HADHA: variants seen among roughly 807,000 people sequenced by gnomAD.
HADHA encodes hydroxyacyl-CoA dehydrogenase trifunctional multienzyme complex subunit alpha.
In HADHA, 59 loss-of-function variants were observed where a neutral mutation model predicts 91.3. The observed-to-expected ratio is 0.65, with a 90% confidence interval of 0.52 to 0.80. The LOEUF (loss-of-function observed/expected upper bound fraction) is 0.80. Among genes scored for constraint, HADHA ranks in the 30% least tolerant of loss-of-function variants. The pLI is 0.00. For synonymous variants in HADHA, 320 were observed against 338.9 expected, an observed-to-expected ratio of 0.94 and a Z score of 0.61; for missense variants, 800 against 927.6, an observed-to-expected ratio of 0.86 and a Z score of 1.79.
chr2:26,219,568 G>C (rs539603701), intron 7 of HADHA, among the ~76,000 whole-genome samples: 26 of 152,356 alleles, frequency 1.7e-4, no homozygotes, highest in Middle Eastern at 3.4e-3. Context: ...CAGCATCTTT[G>C]CTCTGTGGTT....
chr2:26,206,261 T>G (rs1304218310), intron 11 of HADHA, among the ~76,000 whole-genome samples: 1 of 149,876 alleles, frequency 6.7e-6, no homozygotes, highest in African/African-American at 2.5e-5. Context: ...GGAGTTTCAC[T>G]CTTGCCGCCC....
chr2:26,205,628 C>T (rs1669953155), intron 11 of HADHA, among the ~76,000 whole-genome samples: 3 of 152,136 alleles, frequency 2.0e-5, no homozygotes, highest in Admixed American at 6.5e-5. Flanking sequence ...TCAAGACCAA[C>T]CTCACCAAAA....
At chr2:26,212,787 CTG>C (rs1670134388) in intron 9 of HADHA, among the ~76,000 whole-genome samples, 161 bp from the exon 10 acceptor site, 1 of 152,220 alleles carries the variant, frequency 6.6e-6, no homozygotes, top group Admixed American at 6.5e-5. Context: ...CTGCTCTCGA[CTG>C]ACTTAATTCT....
intron 16 of HADHA, 28 bp downstream of exon 16, chr2:26,194,542 C>A (rs766223900): frequency 4.9e-6 from 7 of 1,442,228 alleles, no homozygotes; most frequent in Non-Finnish European, 6.8e-6. Context: ...TGGAAGATGC[C>A]GCAAACACTC....
intron 11 of HADHA, among the ~76,000 whole-genome samples, chr2:26,208,499 G>A (rs979585134): frequency 6.6e-6 from 1 of 152,182 alleles, no homozygotes; most frequent in African/African-American, 2.4e-5. Flanking sequence ...GCAAAGTGCA[G>A]TTTCTTTAAT....
At chr2:26,242,403 C>T (rs1670919307) in intron 1 of HADHA, among the ~76,000 whole-genome samples, 1 of 152,146 alleles carries the variant, frequency 6.6e-6, no homozygotes, top group African/African-American at 2.4e-5. Context: ...TACTTTCTTA[C>T]TGGTGAAAAC....
At chr2:26,239,274 T>C in intron 1 of HADHA, 131 bp from the exon 2 acceptor site, 1 of 729,546 alleles carries the variant, frequency 1.4e-6, no homozygotes, top group Non-Finnish European at 2.5e-6. Context: ...TTCTAGGCCA[T>C]ATGACTACTG....
chr2:26,202,966 C>T (rs940816836), intron 12 of HADHA, among the ~76,000 whole-genome samples: 2 of 152,162 alleles, frequency 1.3e-5, no homozygotes, highest in Non-Finnish European at 2.9e-5. Context: ...GTTTCTAAGA[C>T]GAAAAGGGGA....
chr2:26,231,820 T>A (rs1670629760), intron 6 of HADHA, among the ~76,000 whole-genome samples: 1 of 151,812 alleles, frequency 6.6e-6, no homozygotes, highest in African/African-American at 2.4e-5. Flanking sequence ...ATATAAAAAA[T>A]TAGCTGGGTG....
intron 13 of HADHA, among the ~76,000 whole-genome samples, chr2:26,198,575 A>G (rs1472845587): frequency 6.6e-6 from 1 of 152,098 alleles, no homozygotes; most frequent in Non-Finnish European, 1.5e-5. Context: ...GATGAGAATC[A>G]AGGAGGAAGA....
At position 26,218,863 on chromosome 2, in the gene HADHA, T is replaced by A. The variant is rs776113296; in HGVS notation, c.677-3688A>T. ...TCTCTACTAATATACAAAAATTAGC[T>A]GGGTGTGGTGGTGTGCACCTGTAAT... On this transcript the variant is annotated intron_variant, in intron 7 of 19. Coordinates refer to ENST00000380649, the MANE Select transcript of HADHA (RefSeq NM_000182.5). Among the ~76,000 whole-genome samples, 162 of 151,378 alleles carry A rather than the reference T, an allele frequency of 1.1e-3. 4 individuals are homozygous for A. The highest frequency in any genetic ancestry group is 2.9e-4 in the Non-Finnish European group (20 of 67,866).
At chr2:26,219,613 C>T (rs752160758) in intron 7 of HADHA, among the ~76,000 whole-genome samples, 35 of 152,210 alleles carry the variant, frequency 2.3e-4, no homozygotes, top group Middle Eastern at 3.2e-3. Context: ...ACAGTGGGAA[C>T]TGCTACCATC....
intron 15 of HADHA, 101 bp downstream of exon 15, chr2:26,194,989 GTC>G: frequency 9.9e-7 from 1 of 1,005,638 alleles, no homozygotes; most frequent in Non-Finnish European, 1.6e-6. Flanking sequence ...TCATATCAAA[GTC>G]TGGTCATTTG....
At chr2:26,243,091 T>C (rs1264823657) in intron 1 of HADHA, 1 of 152,038 alleles carries the variant, frequency 6.6e-6, no homozygotes, top group East Asian at 1.9e-4. Flanking sequence ...CTACTTCTCA[T>C]GCAAAGGAAA....
chr2:26,226,299 T>G (rs1255588070), intron 7 of HADHA, among the ~76,000 whole-genome samples: 1 of 152,212 alleles, frequency 6.6e-6, no homozygotes, highest in East Asian at 1.9e-4. Context: ...TCCTAGCAGG[T>G]ATTTTTGTAG....
chr2:26,206,666 T>C (rs892901193), intron 11 of HADHA, among the ~76,000 whole-genome samples: 1 of 152,210 alleles, frequency 6.6e-6, no homozygotes, highest in Non-Finnish European at 1.5e-5. Context: ...ACATAGTAAT[T>C]CTACTCGTCA....
rs998174768 is a variant in HADHA at position 26,215,056 on chromosome 2, C to T, written c.796G>A (p.Glu266Lys). 2 of 1,610,104 alleles carry T rather than the reference C, an allele frequency of 1.2e-6. No individual in the cohort carries two copies. Among genetic ancestry groups the T allele is most frequent in the Non-Finnish European group, 1.7e-6 (2 of 1,176,460 alleles). Residue 266 changes from glutamate to lysine, a missense_variant, in exon 8 of 20, where the codon GAA (glutamate) becomes AAA (lysine). Coordinates refer to ENST00000380649, the MANE Select transcript of HADHA (RefSeq NM_000182.5). ...GTTCTTTAACAATGATACTCACTTT[C>T]CACCAATCCCTTGTCTCTCTTTGGA... is the stretch of plus-strand genomic sequence containing the variant. Reference protein sequence around the residue: ...ISPKRDKGLVEKLTAYAMTIP... With the variant: ...ISPKRDKGLVKKLTAYAMTIP...
chr2:26,235,828 T>G (rs1321051389), intron 4 of HADHA, among the ~76,000 whole-genome samples: 1 of 152,244 alleles, frequency 6.6e-6, no homozygotes, highest in Non-Finnish European at 1.5e-5. Context: ...TTCCCCTCCT[T>G]ATGTATGTGT....
At chr2:26,236,770 T>C in intron 4 of HADHA, 85 bp downstream of exon 4, 32 of 1,097,608 alleles carry the variant, frequency 2.9e-5, no homozygotes, top group Non-Finnish European at 4.5e-5. Context: ...GCACTTCTAC[T>C]TTCTTTTAAA....
Sources: gnomAD v4.1 joint callset for allele counts (sites outside exome capture counted in the v4.1 genomes callset) on GRCh38, gnomAD v4.1.1 for gene constraint, MANE v1.5 for transcripts, NCBI Gene and HGNC (gene_info 2026-07-23, HGNC 2026-07-21) for gene names.